Variants in UBN2 observed in about 807,000 individuals in gnomAD.
UBN2 encodes ubinuclein-2.
Under a neutral mutation model 120.2 loss-of-function variants are expected in UBN2, and 35 were observed. That is an observed-to-expected ratio of 0.29 (90% CI 0.22 to 0.39). The LOEUF is 0.39. Among genes scored for constraint, UBN2 ranks in the 10% least tolerant of loss-of-function variants. The pLI is 1.00. For synonymous variants in UBN2, 661 were observed against 648.7 expected (o/e 1.02, Z -0.29); for missense variants, 1,693 against 1,663.2 (o/e 1.02, Z -0.31).
At chr7:139,289,411 T>C (rs796823136) in intron 15 of UBN2, among the ~76,000 whole-genome samples, 7 of 149,566 alleles carry the variant, frequency 4.7e-5, no homozygotes, top group African/African-American at 1.8e-4. Context: ...AATTTACATT[T>C]TGCTTTTTTT....
intron 17 of UBN2, among the ~76,000 whole-genome samples, chr7:139,296,409 G>A (rs776836453): frequency 5.9e-5 from 9 of 152,168 alleles, no homozygotes; most frequent in Non-Finnish European, 1.0e-4. Context: ...GCTGTAGTTT[G>A]CCAAACCCTG....
At chr7:139,326,218 T>G in the UBN2 span, among the ~76,000 whole-genome samples, 8 of 152,280 alleles carry the variant, frequency 5.3e-5, no homozygotes, top group South Asian at 1.4e-3. Flanking sequence ...ATTGTGCCCC[T>G]GCACTCCAGC....
intron 1 of UBN2, among the ~76,000 whole-genome samples, chr7:139,234,985 C>G (rs569670337): frequency 1.4e-4 from 22 of 152,006 alleles, no homozygotes; most frequent in African/African-American, 5.3e-4. Context: ...AAAGCTTAAT[C>G]TTGATTGGGG....
chr7:139,309,931 T>C (rs570343347), downstream of UBN2, among the ~76,000 whole-genome samples: 3 of 152,098 alleles, frequency 2.0e-5, no homozygotes, highest in African/African-American at 7.2e-5. Context: ...AAATGTAGAG[T>C]GGTGGTATCA....
rs1796832338 is a variant in UBN2, at chr7:139,258,537, A to T, written c.713A>T (p.Tyr238Phe). The T allele has an allele frequency of 6.2e-7, 1 of 1,603,524 alleles. No homozygotes were observed. Among genetic ancestry groups the T allele is most frequent in the South Asian group, 1.1e-5 (1 of 89,536 alleles). The change falls in exon 4 of 18, where the codon TAT (tyrosine) becomes TTT (phenylalanine). Residue 238 changes from tyrosine (Y) to phenylalanine (F), a missense_variant. Tyr to Phe is a conservative substitution (Grantham distance 22, BLOSUM62 3). Coordinates refer to ENST00000473989, the MANE Select transcript of UBN2 (RefSeq NM_173569.4). ...CTAACAACAAAATATGGAGGCTTTT[A>T]TATCAACACTGGCACTCTACAGTTT... Reference protein sequence around the residue: ...ASLTTKYGGFYINTGTLQFRQ... With the variant: ...ASLTTKYGGFFINTGTLQFRQ...
At chr7:139,264,541 C>T (rs970064129) in intron 6 of UBN2, among the ~76,000 whole-genome samples, 7 of 151,780 alleles carry the variant, frequency 4.6e-5, no homozygotes, top group South Asian at 4.2e-4. Context: ...GTTGATCACA[C>T]GATTTGGACC....
chr7:139,324,298 G>A, the UBN2 span, among the ~76,000 whole-genome samples: 1 of 152,094 alleles, frequency 6.6e-6, no homozygotes. Context: ...GGCTGGGCGT[G>A]GTGGCTCACG....
chr7:139,294,322 C>T (rs186752114), intron 17 of UBN2, among the ~76,000 whole-genome samples: 18 of 152,328 alleles, frequency 1.2e-4, no homozygotes, highest in African/African-American at 3.1e-4. Flanking sequence ...TGACAGCTTA[C>T]GTGGATTAGC....
At chr7:139,326,229 G>A in the UBN2 span, among the ~76,000 whole-genome samples, 2 of 152,006 alleles carry the variant, frequency 1.3e-5, no homozygotes, top group African/African-American at 2.4e-5. Flanking sequence ...GCACTCCAGC[G>A]TGGGCAACAG....
the UBN2 span, among the ~76,000 whole-genome samples, chr7:139,324,981 T>A: frequency 2.0e-5 from 3 of 151,616 alleles, no homozygotes; most frequent in Non-Finnish European, 1.5e-5. Flanking sequence ...AAAAAAAAAA[T>A]AAGATTTTTC....
intron 16 of UBN2, 80 bp downstream of exon 16, chr7:139,293,543 T>A: frequency 8.1e-7 from 1 of 1,229,370 alleles, no homozygotes; most frequent in Non-Finnish European, 1.2e-6. Context: ...TAATTAAGAG[T>A]AGTCCAGTTG....
chr7:139,251,290 A>G (rs1359568818), intron 2 of UBN2, among the ~76,000 whole-genome samples: 1 of 152,236 alleles, frequency 6.6e-6, no homozygotes, highest in East Asian at 1.9e-4. Flanking sequence ...TGTTGTTGAC[A>G]TCTTGCAATG....
At chr7:139,270,603 G>A (rs140494491) in intron 8 of UBN2, among the ~76,000 whole-genome samples, 2 of 152,098 alleles carry the variant, frequency 1.3e-5, no homozygotes, top group Non-Finnish European at 2.9e-5. Flanking sequence ...TGGGTACACA[G>A]TGTTCCATTG....
In UBN2 at chr7:139,279,319, G is replaced by A; in HGVS notation, c.2026G>A (p.Ala676Thr). ...SVHNHLTSAP[A>T]KKKVIPAPKP... ...CCTTTTAAAATCTTTTTATCTTAGG[G>A]CAAAGAAAAAGGTGATTCCTGCACC... Residue 676 changes from alanine to threonine, a missense_variant and splice_region_variant, in exon 13 of 18, where the codon GCA (alanine) becomes ACA (threonine). Physicochemically the swap from Ala to Thr is moderately conservative, Grantham distance 58. Transcript: ENST00000473989. 2 of 1,607,962 alleles carry A rather than the reference G, an allele frequency of 1.2e-6. No individual in the cohort carries two copies. The highest frequency in any genetic ancestry group is 1.7e-6 in the Non-Finnish European group (2 of 1,177,784).
intron 2 of UBN2, among the ~76,000 whole-genome samples, chr7:139,245,949 T>TA (rs1796457881): frequency 6.6e-6 from 1 of 152,226 alleles, no homozygotes; most frequent in Non-Finnish European, 1.5e-5. Flanking sequence ...ACAAGGCATT[T>TA]AACTGGTGCC....
downstream of UBN2, chr7:139,308,325 G>A (rs1798400850): frequency 6.6e-6 from 1 of 152,084 alleles, no homozygotes; most frequent in Non-Finnish European, 1.5e-5. Context: ...ATATCACACT[G>A]TGCTAGGTTT....
downstream of UBN2, among the ~76,000 whole-genome samples, chr7:139,310,824 T>C (rs1365864119): frequency 6.6e-6 from 1 of 152,168 alleles, no homozygotes; most frequent in Non-Finnish European, 1.5e-5. Context: ...TATCTAGCAT[T>C]TTTCAGTTAT....
rs1482548363 is a variant in UBN2 at position 139,306,133 on chromosome 7, T to A, written c.*8297T>A. On this transcript the variant is annotated 3_prime_UTR_variant, in exon 18 of 18. Transcript: ENST00000473989. ...TTACCCAAGATAACATGGAAATACT[T>A]CTGTTTTTGAAGTTAACAACACCGT... 1.3e-5 allele frequency: 2 copies of A among 152,208 alleles called. No homozygotes were observed. The highest frequency in any genetic ancestry group is 2.9e-5 in the Non-Finnish European group (2 of 68,030). 9.4% of individuals were successfully genotyped at this position (152,208 alleles called of 1,614,324 possible).
At chr7:139,326,001 G>C in the UBN2 span, among the ~76,000 whole-genome samples, 1 of 151,710 alleles carries the variant, frequency 6.6e-6, no homozygotes, top group Admixed American at 6.5e-5. Flanking sequence ...GACCAGCCTG[G>C]TCAACATGGA....
Sources: allele counts gnomAD v4.1 joint callset (sites outside exome capture counted in the v4.1 genomes callset), GRCh38; gene constraint gnomAD v4.1.1; transcripts MANE v1.5; gene names NCBI Gene and HGNC (gene_info 2026-07-23, HGNC 2026-07-21).